Variants in VEGFC observed in about 807,000 individuals in gnomAD.
VEGFC encodes the protein vascular endothelial growth factor C, also known as FLT4 ligand DHM.
In VEGFC, 12 loss-of-function variants were observed where a neutral mutation model predicts 46.1. The ratio of observed to expected loss-of-function variants is 0.26; its 90% CI spans 0.17 to 0.42. The LOEUF is 0.42. Ranked by LOEUF, VEGFC falls within the 10% of genes least tolerant of loss-of-function variation. VEGFC has a pLI of 1.00. For synonymous variants in VEGFC, 232 were observed against 195.5 expected, an observed-to-expected ratio of 1.19 and a Z score of -1.56; for missense variants, 488 against 529.4, an observed-to-expected ratio of 0.92 and a Z score of 0.77.
In VEGFC at chr4:176,710,328, G is replaced by A. The variant is rs140340144; in HGVS notation, c.704+1171C>T. Among the ~76,000 whole-genome samples the A allele has an allele frequency of 4.8e-3, 734 of 152,178 alleles. 4 individuals are homozygous for A. Among genetic ancestry groups the A allele is most frequent in the South Asian group, 0.016 (78 of 4,812 alleles). On this transcript the variant is annotated intron_variant, in intron 4 of 6. Coordinates refer to ENST00000618562, the MANE Select transcript of VEGFC (RefSeq NM_005429.5). ...CCTGCGGGGATGAAATTGCACATACGGCATCCTCTTGAGTTCAGATGGTAG... is the reference window on the plus strand; with the variant it reads ...CCTGCGGGGATGAAATTGCACATACAGCATCCTCTTGAGTTCAGATGGTAG...
At chr4:176,717,532 A>T (rs1734718011) in intron 3 of VEGFC, among the ~76,000 whole-genome samples, 1 of 152,146 alleles carries the variant, frequency 6.6e-6, no homozygotes, top group South Asian at 2.1e-4. Context: ...CTGGCTATTC[A>T]AGAAAAAGGT....
intron 3 of VEGFC, among the ~76,000 whole-genome samples, chr4:176,718,480 T>A (rs951299941): frequency 6.6e-6 from 1 of 152,172 alleles, no homozygotes; most frequent in Non-Finnish European, 1.5e-5. Flanking sequence ...ATCGAGCATG[T>A]CTTTGTTAAT....
chr4:176,736,543 A>G (rs1395069851), intron 1 of VEGFC, among the ~76,000 whole-genome samples: 1 of 151,650 alleles, frequency 6.6e-6, no homozygotes, highest in African/African-American at 2.4e-5. Flanking sequence ...TCTTTATAGA[A>G]TTTAACATAA....
chr4:176,737,524 G>A (rs981388992), intron 1 of VEGFC, among the ~76,000 whole-genome samples: 4 of 150,468 alleles, frequency 2.7e-5, no homozygotes, highest in Non-Finnish European at 5.9e-5. Flanking sequence ...ATTTATGAAT[G>A]TTCAAAATAA....
At chr4:176,713,301 T>C (rs994649203) in intron 3 of VEGFC, among the ~76,000 whole-genome samples, 8 of 152,158 alleles carry the variant, frequency 5.3e-5, no homozygotes, top group African/African-American at 1.2e-4. Context: ...AGGTGAAATA[T>C]TGCAATGGCA....
At position 176,714,791 on chromosome 4, in the gene VEGFC, A is replaced by C. The variant is rs1180069360; in HGVS notation, c.553-3141T>G. Among the ~76,000 whole-genome samples, 3 of 152,346 alleles carry C rather than the reference A, an allele frequency of 2.0e-5. No individual in the cohort carries two copies. The East Asian group carries it at 5.8e-4, about 29-fold the overall frequency. ...CATGCCTAGGTAGATAATGTTCACAAATCAGGATCCACCCATGGGTATCAA... is the reference window on the plus strand; with the variant it reads ...CATGCCTAGGTAGATAATGTTCACACATCAGGATCCACCCATGGGTATCAA... On this transcript the variant is annotated intron_variant, in intron 3 of 6. Transcript: ENST00000618562.
At chr4:176,722,759 C>T (rs1294472929) in intron 3 of VEGFC, among the ~76,000 whole-genome samples, 1 of 152,086 alleles carries the variant, frequency 6.6e-6, no homozygotes, top group East Asian at 1.9e-4. Context: ...CTTGGCATCC[C>T]AAAGTGCTGG....
At position 176,792,158 on chromosome 4, in the gene VEGFC, G is replaced by T; in HGVS notation, c.147+7C>A. The T allele has an allele frequency of 1.3e-6, 2 of 1,490,316 alleles. No homozygotes were observed. The highest frequency in any genetic ancestry group is 2.7e-5 in the South Asian group (2 of 73,580). The allele number at this position is 1,490,316 out of a possible 1,614,324, so 92.3% of individuals were successfully genotyped here. ...CGGGTTCTCCGCAAACCCTAACGCAGACCTACCGTGGCCTCGCCCGCGTCG... is the reference window on the plus strand; with the variant it reads ...CGGGTTCTCCGCAAACCCTAACGCATACCTACCGTGGCCTCGCCCGCGTCG... On this transcript the variant is annotated splice_region_variant and intron_variant, in intron 1 of 6. Transcript: ENST00000618562. This position sits in a 1 kb window ranked among gnomAD's most constrained non-coding sequence, Gnocchi z 6.3.
At chr4:176,740,163 GA>G (rs1266519321) in intron 1 of VEGFC, among the ~76,000 whole-genome samples, 2 of 117,766 alleles carry the variant, frequency 1.7e-5, no homozygotes, top group African/African-American at 6.8e-5. Context: ...TATATATATA[GA>G]ATATATATAA....
intron 1 of VEGFC, among the ~76,000 whole-genome samples, chr4:176,747,579 C>T (rs1735278089): frequency 6.6e-6 from 1 of 151,916 alleles, no homozygotes; most frequent in African/African-American, 2.4e-5. Context: ...ACTGCTTGAG[C>T]CTAGGAGTTC....
At chr4:176,690,055 C>T (rs1734124801) in intron 4 of VEGFC, among the ~76,000 whole-genome samples, 1 of 152,116 alleles carries the variant, frequency 6.6e-6, no homozygotes, top group Non-Finnish European at 1.5e-5. Context: ...GAGATTCCTG[C>T]ACACATTTTT....
At chr4:176,722,499 G>GTTTTTTTTTTT (rs796817880) in intron 3 of VEGFC, among the ~76,000 whole-genome samples, 2 of 104,686 alleles carry the variant, frequency 1.9e-5, no homozygotes, top group African/African-American at 5.9e-5. Context: ...TTTTTTTTTT[G>GTTTTTTTTTTT]TTTTTTTTTT....
intron 4 of VEGFC, among the ~76,000 whole-genome samples, chr4:176,707,867 T>C (rs551497196): frequency 2.6e-5 from 4 of 152,270 alleles, no homozygotes; most frequent in South Asian, 4.1e-4. Flanking sequence ...TGTGGGCCTA[T>C]TGGCTGCCAT....
At chr4:176,780,601 T>G (rs945611329) in intron 1 of VEGFC, among the ~76,000 whole-genome samples, 1 of 152,174 alleles carries the variant, frequency 6.6e-6, no homozygotes, top group South Asian at 2.1e-4. Flanking sequence ...ATCAGGCATA[T>G]GTGTCCTCCT....
chr4:176,756,416 T>C (rs932065590), intron 1 of VEGFC, among the ~76,000 whole-genome samples: 6 of 151,950 alleles, frequency 3.9e-5, no homozygotes, highest in African/African-American at 1.4e-4. Flanking sequence ...AGAAACTGGG[T>C]GGCTACTTTA....
At chr4:176,752,593 G>A (rs1454389254) in intron 1 of VEGFC, among the ~76,000 whole-genome samples, 1 of 152,058 alleles carries the variant, frequency 6.6e-6, no homozygotes, top group Admixed American at 6.6e-5. Flanking sequence ...CAGTAGTGAC[G>A]CAAAGATGAA....
intron 1 of VEGFC, among the ~76,000 whole-genome samples, chr4:176,758,992 AG>A (rs1200927399): frequency 3.3e-5 from 5 of 152,186 alleles, no homozygotes; most frequent in African/African-American, 9.6e-5. Context: ...CTCATCTAAA[AG>A]TTCATTGTTA....
chr4:176,696,789 T>C (rs1734322393), intron 4 of VEGFC, among the ~76,000 whole-genome samples: 1 of 152,082 alleles, frequency 6.6e-6, no homozygotes, highest in African/African-American at 2.4e-5. Flanking sequence ...AACAGAGATA[T>C]AGATCAATGG....
At chr4:176,707,266 C>T (rs1205237011) in intron 4 of VEGFC, among the ~76,000 whole-genome samples, 1 of 152,166 alleles carries the variant, frequency 6.6e-6, no homozygotes, top group African/African-American at 2.4e-5. Context: ...AATGATTGAA[C>T]AATTTTAATG....
Sources: gnomAD v4.1 joint callset for allele counts (sites outside exome capture counted in the v4.1 genomes callset) on GRCh38, gnomAD v4.1.1 for gene constraint, Gnocchi (gnomAD v3.1) non-coding constraint, MANE v1.5 for transcripts, NCBI Gene and HGNC (gene_info 2026-07-23, HGNC 2026-07-21) for gene names.